The following POU2F1 variants were observed in gnomAD, a reference collection of about 807,000 sequenced individuals.
POU2F1 encodes POU domain, class 2, transcription factor 1.
In POU2F1, 16 loss-of-function variants were observed where a neutral mutation model predicts 84.9. The ratio of observed to expected loss-of-function variants is 0.19; its 90% CI spans 0.13 to 0.29. POU2F1 has a LOEUF of 0.29. Among genes scored for constraint, POU2F1 ranks in the 10% least tolerant of loss-of-function variants. POU2F1 has a pLI of 1.00. For missense variants in POU2F1, 738 were observed against 942.6 expected (o/e 0.78, Z 2.84); for synonymous variants, 368 against 368.3 (o/e 1.00, Z 0.01).
intron 1 of POU2F1, among the ~76,000 whole-genome samples, chr1:167,298,242 A>G (rs1654424338): frequency 6.6e-6 from 1 of 152,236 alleles, no homozygotes; most frequent in Non-Finnish European, 1.5e-5. Context: ...ATAAGACAGT[A>G]ATGATGACTC....
chr1:167,377,430 C>G (rs1455134414), intron 7 of POU2F1, among the ~76,000 whole-genome samples: 1 of 150,414 alleles, frequency 6.6e-6, no homozygotes, highest in African/African-American at 2.4e-5. Context: ...ACTAAAAATA[C>G]AAAAAAAATA....
At position 167,412,313 on chromosome 1, in the gene POU2F1, C is replaced by T; in HGVS notation, c.1901+9C>T. 1 of 1,523,772 alleles carries T rather than the reference C, an allele frequency of 6.6e-7. No individual in the cohort carries two copies. Among genetic ancestry groups the T allele is most frequent in the Non-Finnish European group, 8.9e-7 (1 of 1,127,848 alleles). 94.4% of individuals were successfully genotyped at this position (1,523,772 alleles called of 1,614,324 possible). On this transcript the variant is annotated intron_variant, in intron 14 of 15. Transcript: ENST00000367866. The stretch of plus-strand genomic sequence containing the variant: ...TCACAGTTTGCGGCTGGGTAAGGCG[C>T]TTTCTCATCTCATTCACGTCTGAGG...
chr1:167,224,211 T>A (rs942026802), intron 1 of POU2F1, among the ~76,000 whole-genome samples: 3 of 152,228 alleles, frequency 2.0e-5, no homozygotes, highest in Non-Finnish European at 4.4e-5. Flanking sequence ...ATTTGGGTTT[T>A]AGATAGATAG....
At chr1:167,312,886 A>T (rs1024769123) in intron 1 of POU2F1, among the ~76,000 whole-genome samples, 2 of 152,258 alleles carry the variant, frequency 1.3e-5, no homozygotes, top group African/African-American at 4.8e-5. Context: ...TACTTGTTAG[A>T]AATGCAAATA....
chr1:167,324,721 C>A (rs943785448), intron 1 of POU2F1, among the ~76,000 whole-genome samples: 3 of 152,150 alleles, frequency 2.0e-5, no homozygotes, highest in Non-Finnish European at 4.4e-5. Flanking sequence ...TTAACTAGGC[C>A]TCAGTTTACT....
chr1:167,397,465 A>G (rs1342209692), intron 10 of POU2F1, among the ~76,000 whole-genome samples: 1 of 152,174 alleles, frequency 6.6e-6, no homozygotes, highest in East Asian at 1.9e-4. Context: ...TAGTGGTAAT[A>G]TTGTCAACCA....
intron 13 of POU2F1, 77 bp from the exon 14 acceptor site, chr1:167,411,882 G>C: frequency 7.7e-7 from 1 of 1,305,968 alleles, no homozygotes; most frequent in Non-Finnish European, 1.1e-6. Flanking sequence ...ATTGATTATA[G>C]AGTTTGGCTG....
chr1:167,329,721 A>G (rs1656953567), intron 1 of POU2F1, among the ~76,000 whole-genome samples: 1 of 152,200 alleles, frequency 6.6e-6, no homozygotes, highest in Admixed American at 6.5e-5. Flanking sequence ...ACAAAAACCA[A>G]AATGCTCAGT....
At chr1:167,233,347 CG>C (rs1557833750) in intron 1 of POU2F1, among the ~76,000 whole-genome samples, 1 of 151,550 alleles carries the variant, frequency 6.6e-6, no homozygotes, top group African/African-American at 2.4e-5. Flanking sequence ...CTTGTTGCCC[CG>C]GCTGGTCTTC....
At chr1:167,403,629 A>G (rs1231035840) in intron 13 of POU2F1, among the ~76,000 whole-genome samples, 1 of 151,992 alleles carries the variant, frequency 6.6e-6, no homozygotes, top group Non-Finnish European at 1.5e-5. Flanking sequence ...TTATCATGTT[A>G]TTTATTAAAG....
At chr1:167,317,260 T>A (rs1440116947) in intron 1 of POU2F1, among the ~76,000 whole-genome samples, 1 of 152,238 alleles carries the variant, frequency 6.6e-6, no homozygotes, top group East Asian at 1.9e-4. Context: ...AACTCTGTAG[T>A]GACCTATTCT....
At chr1:167,295,797 G>A (rs1654252561) in intron 1 of POU2F1, among the ~76,000 whole-genome samples, 2 of 152,208 alleles carry the variant, frequency 1.3e-5, no homozygotes, top group South Asian at 4.1e-4. Flanking sequence ...GCCATAGAAG[G>A]CCTTCTTCTA....
At chr1:167,350,536 T>C (rs1455381213) in intron 2 of POU2F1, among the ~76,000 whole-genome samples, 2 of 151,902 alleles carry the variant, frequency 1.3e-5, no homozygotes, top group Non-Finnish European at 2.9e-5. Context: ...CTTTAAAGTG[T>C]CATGATTTCC....
chr1:167,383,629 G>A (rs1647731451), intron 7 of POU2F1: 2 of 380,354 alleles, frequency 5.3e-6, no homozygotes, highest in Non-Finnish European at 4.8e-6. Flanking sequence ...AGCTTATTCA[G>A]ATTATGCCAA....
At chr1:167,391,966 C>G (rs957244425) in intron 9 of POU2F1, among the ~76,000 whole-genome samples, 12 of 152,110 alleles carry the variant, frequency 7.9e-5, no homozygotes, top group African/African-American at 2.2e-4. Flanking sequence ...AATACAGTTA[C>G]ATTTGTGAGG....
At chr1:167,397,464 T>C (rs927959406) in intron 10 of POU2F1, among the ~76,000 whole-genome samples, 7 of 152,096 alleles carry the variant, frequency 4.6e-5, no homozygotes, top group Non-Finnish European at 1.0e-4. Flanking sequence ...ATAGTGGTAA[T>C]ATTGTCAACC....
At chr1:167,224,558 A>G (rs1648479555) in intron 1 of POU2F1, among the ~76,000 whole-genome samples, 1 of 152,180 alleles carries the variant, frequency 6.6e-6, no homozygotes, top group Non-Finnish European at 1.5e-5. Context: ...TGCAACAGTG[A>G]TTGCACTTAG....
rs74983974 is a variant in POU2F1, at chr1:167,324,927, G to T, written c.62-7543G>T. Among the ~76,000 whole-genome samples the T allele has an allele frequency of 8.9e-3, 1,349 of 152,244 alleles. 19 individuals carry two copies. Among genetic ancestry groups the T allele is most frequent in the African/African-American group, 0.03 (1,266 of 41,538 alleles). On this transcript the variant is annotated intron_variant, in intron 1 of 15. Transcript: ENST00000367866. ...GAGCCCCATAATGCAACCTTAGAGG[G>T]TATCATTTACATAGTCTGTGATGTA...
intron 13 of POU2F1, 96 bp from the exon 14 acceptor site, chr1:167,411,863 A>T: frequency 1.8e-6 from 2 of 1,135,692 alleles, no homozygotes; most frequent in Non-Finnish European, 2.5e-6. Context: ...GTGGTAGGTT[A>T]ATTATTCCAT....
Sources: allele counts gnomAD v4.1 joint callset (sites outside exome capture counted in the v4.1 genomes callset), GRCh38; gene constraint gnomAD v4.1.1; transcripts MANE v1.5; gene names NCBI Gene and HGNC (gene_info 2026-07-23, HGNC 2026-07-21).